ANXA11: variants seen among roughly 807,000 people sequenced by gnomAD.
ANXA11 encodes annexin A11, also known as 56 kDa autoantigen.
In ANXA11, 57 loss-of-function variants were observed where a neutral mutation model predicts 64.7. The ratio of observed to expected loss-of-function variants is 0.88; its 90% CI spans 0.71 to 1.10. ANXA11 has a LOEUF of 1.10. Ranked by LOEUF, ANXA11 falls within the 50% of genes least tolerant of loss-of-function variation. ANXA11 has a pLI of 0.00. For missense variants in ANXA11, 675 were observed against 670.7 expected (o/e 1.01, Z -0.07); for synonymous variants, 260 against 265.2 (o/e 0.98, Z 0.19).
intron 15 of ANXA11, 26 bp downstream of exon 15, chr10:80,157,615 C>G (rs1845324309): frequency 6.2e-7 from 1 of 1,602,920 alleles, no homozygotes; most frequent in Non-Finnish European, 8.5e-7. Context: ...AAAAGGGAGC[C>G]CAGTTGGCCT....
rs80019579 is a variant in ANXA11 at position 80,189,141 on chromosome 10, G to A, written c.-57-12986C>T. On this transcript the variant is annotated intron_variant, in intron 1 of 15. Transcript: ENST00000422982. ...ATGGGGAGACTAGCCTAGATTATCC[G>A]GGTGGGCCCAATCCAGTGAGAAGCG... is the stretch of plus-strand genomic sequence containing the variant. Among the ~76,000 whole-genome samples the A allele has an allele frequency of 5.2e-3, 788 of 152,318 alleles. 8 individuals are homozygous for A. The highest frequency in any genetic ancestry group is 0.018 in the African/African-American group (759 of 41,558).
intron 15 of ANXA11, chr10:80,157,369 C>G: frequency 2.0e-6 from 2 of 985,430 alleles, no homozygotes; most frequent in South Asian, 4.7e-5. Context: ...GTGATCGGAA[C>G]GCTGAAGGTC....
intron 1 of ANXA11, among the ~76,000 whole-genome samples, chr10:80,187,477 G>C (rs942134339): frequency 8.5e-5 from 13 of 152,194 alleles, no homozygotes; most frequent in African/African-American, 2.7e-4. Context: ...CCCGGTCTAT[G>C]ATATTTTATT....
At chr10:80,172,892 A>AT in intron 2 of ANXA11, 23 bp from the exon 3 acceptor site, 1 of 1,611,428 alleles carries the variant, frequency 6.2e-7, no homozygotes, top group Non-Finnish European at 8.5e-7. Context: ...ACGAAAGCAC[A>AT]TTCAGGCTCT....
intron 1 of ANXA11, among the ~76,000 whole-genome samples, chr10:80,183,872 A>G (rs1846443364): frequency 6.6e-6 from 1 of 152,226 alleles, no homozygotes; most frequent in Non-Finnish European, 1.5e-5. Flanking sequence ...GAAGGCAGAT[A>G]GAGCCCAAGC....
In ANXA11 at chr10:80,159,339, T is replaced by C. The variant is rs538003091; in HGVS notation, c.1181-144A>G. 23 of 653,178 alleles carry C rather than the reference T, an allele frequency of 3.5e-5. No individual in the cohort carries two copies. In the South Asian group the frequency reaches 4.0e-4, roughly 11 times the overall value. 40.5% of individuals were successfully genotyped at this position (653,178 alleles called of 1,614,324 possible). On this transcript the variant is annotated intron_variant, in intron 12 of 15. Coordinates refer to ENST00000422982, the MANE Select transcript of ANXA11 (RefSeq NM_145868.2). ...AAGAGGTAATTAAGTTAAAACATGC[T>C]GCTAGGGTGTACCCTAATCCAATTC...
intron 8 of ANXA11, among the ~76,000 whole-genome samples, chr10:80,165,608 G>A (rs1002301941): frequency 3.3e-5 from 5 of 152,200 alleles, no homozygotes; most frequent in African/African-American, 1.2e-4. Flanking sequence ...GGGCGCTCAG[G>A]AGAGACAGAG....
intron 8 of ANXA11, among the ~76,000 whole-genome samples, chr10:80,165,797 C>T (rs1021905705): frequency 2.0e-5 from 3 of 152,136 alleles, no homozygotes; most frequent in Admixed American, 1.3e-4. Flanking sequence ...CCTTCAAACC[C>T]GAGCTCCCCC....
intron 8 of ANXA11, 135 bp from the exon 9 acceptor site, chr10:80,164,278 G>T: frequency 3.1e-6 from 2 of 640,834 alleles, no homozygotes; most frequent in Non-Finnish European, 5.5e-6. Flanking sequence ...ACACCCTCCA[G>T]CCACTCCCAG....
intron 9 of ANXA11, 69 bp downstream of exon 9, chr10:80,163,984 A>G: frequency 7.5e-7 from 1 of 1,342,238 alleles, no homozygotes; most frequent in Non-Finnish European, 1.1e-6. Context: ...GGAGAGAATG[A>G]GGCCACAGCC....
At chr10:80,203,494 ACCACTTCCCTGTGCTGTCTCT>A (rs1840533997) in intron 1 of ANXA11, among the ~76,000 whole-genome samples, 1 of 152,208 alleles carries the variant, frequency 6.6e-6, no homozygotes, top group East Asian at 1.9e-4. Context: ...CCACAGGGAA[ACCACTTCCCTGTGCTGTCTCT>A]GTTGTTCAAC....
chr10:80,159,663 G>A (rs539158108), intron 12 of ANXA11, among the ~76,000 whole-genome samples: 8 of 152,244 alleles, frequency 5.3e-5, no homozygotes, highest in East Asian at 1.9e-4. Flanking sequence ...CACCCTGCAC[G>A]TCCCCAGGCC....
intron 1 of ANXA11, chr10:80,195,614 C>T: frequency 1.3e-5 from 2 of 153,486 alleles, no homozygotes; most frequent in Non-Finnish European, 1.4e-5. Flanking sequence ...CTCCTGTCTC[C>T]TGGCCTTCCC....
chr10:80,183,646 T>C (rs1234480814), intron 1 of ANXA11, among the ~76,000 whole-genome samples: 1 of 152,216 alleles, frequency 6.6e-6, no homozygotes, highest in African/African-American at 2.4e-5. Flanking sequence ...GCAAAACGTG[T>C]GCCACTTCTG....
At chr10:80,176,615 C>T (rs1846177825) in intron 1 of ANXA11, among the ~76,000 whole-genome samples, 1 of 151,674 alleles carries the variant, frequency 6.6e-6, no homozygotes, top group Non-Finnish European at 1.5e-5. Context: ...TGAGGCTAGC[C>T]GTCTGGCCCC....
chr10:80,155,933 G>A (rs765906318), intron 15 of ANXA11, 21 bp from the exon 16 acceptor site: 7 of 1,612,164 alleles, frequency 4.3e-6, no homozygotes, highest in Non-Finnish European at 5.9e-6. Context: ...AAACAAGGAA[G>A]ACATCCGTTA....
intron 14 of ANXA11, 22 bp downstream of exon 14, chr10:80,157,945 C>T (rs372366508): frequency 1.5e-5 from 24 of 1,612,740 alleles, no homozygotes; most frequent in African/African-American, 2.7e-5. Flanking sequence ...TCCATCGCAA[C>T]CTGCACATGG....
chr10:80,175,020 G>C (rs1846118990), intron 2 of ANXA11, among the ~76,000 whole-genome samples: 1 of 152,182 alleles, frequency 6.6e-6, no homozygotes, highest in African/African-American at 2.4e-5. Context: ...GCTGGAATTG[G>C]CTCCCTGTAG....
At chr10:80,197,491 A>G (rs905403166) in intron 1 of ANXA11, among the ~76,000 whole-genome samples, 1 of 152,176 alleles carries the variant, frequency 6.6e-6, no homozygotes, top group African/African-American at 2.4e-5. Context: ...CAAGGATATT[A>G]CCAGCCACGG....
Sources: allele counts gnomAD v4.1 joint callset (sites outside exome capture counted in the v4.1 genomes callset), GRCh38; gene constraint gnomAD v4.1.1; transcripts MANE v1.5; gene names NCBI Gene and HGNC (gene_info 2026-07-23, HGNC 2026-07-21).